POLL: variants seen among roughly 807,000 people sequenced by gnomAD.
POLL encodes the protein DNA polymerase lambda.
Under a neutral mutation model 58.1 loss-of-function variants are expected in POLL, and 44 were observed. The observed-to-expected ratio is 0.76, with a 90% confidence interval of 0.60 to 0.97. POLL has a LOEUF of 0.97. Among genes scored for constraint, POLL ranks in the 50% least tolerant of loss-of-function variants. The probability of loss-of-function intolerance (pLI) is 0.00; values close to 1 mark genes in which losing one functional copy is unlikely to be tolerated. For synonymous variants in POLL, 290 were observed against 283.2 expected, an observed-to-expected ratio of 1.02 and a Z score of -0.24; for missense variants, 632 against 736.8, an observed-to-expected ratio of 0.86 and a Z score of 1.65.
In POLL at chr10:101,580,418, T is replaced by C; in HGVS notation, c.1195-2A>G. ...AAAGGCCTGGGCTGCTTTCTGGACC[T>C]GGGAAAGAGAGCGGTGACAGGTGAG... On this transcript the variant is annotated splice_acceptor_variant, in intron 7 of 8. Transcript: ENST00000370162. LOFTEE classifies it high-confidence loss of function. This position sits in a 1 kb window ranked among gnomAD's most constrained non-coding sequence, Gnocchi z 4.1. The C allele has an allele frequency of 6.2e-7, 1 of 1,613,190 alleles. No individual in the cohort carries two copies. Among genetic ancestry groups the C allele is most frequent in the Middle Eastern group, 1.7e-4 (1 of 6,050 alleles).
chr10:101,585,109 G>A (rs970323542), intron 4 of POLL, among the ~76,000 whole-genome samples, 190 bp from the exon 5 acceptor site: 4 of 152,172 alleles, frequency 2.6e-5, no homozygotes, highest in Admixed American at 2.6e-4. Flanking sequence ...TCCACGCAGT[G>A]CCTAGCCCTA....
At chr10:101,583,202 C>G (rs2134618817) in intron 6 of POLL, 1 of 599,068 alleles carries the variant, frequency 1.7e-6, no homozygotes, top group African/African-American at 1.9e-5. Flanking sequence ...GGATTGGGAA[C>G]CACTGCTCTA....
At chr10:101,584,581 C>T in intron 5 of POLL, 21 bp downstream of exon 5, 2 of 1,511,434 alleles carry the variant, frequency 1.3e-6, no homozygotes, top group Non-Finnish European at 1.8e-6. Context: ...GACCCCTCCT[C>T]CCACTCTAGC....
chr10:101,585,276 C>T (rs930605354), intron 4 of POLL, 40 bp downstream of exon 4: 8 of 1,484,532 alleles, frequency 5.4e-6, no homozygotes, highest in Non-Finnish European at 7.2e-6. Context: ...TGATCTGCTT[C>T]CTAGGGGAAG....
intron 1 of POLL, 23 bp from the exon 2 acceptor site, chr10:101,587,429 G>A (rs769377434): frequency 1.2e-6 from 2 of 1,606,432 alleles, no homozygotes; most frequent in South Asian, 1.1e-5. Context: ...ATCCAGAATT[G>A]AGGCCCTCCA....
At chr10:101,582,645 A>C in intron 7 of POLL, 118 bp downstream of exon 7, 1 of 1,049,200 alleles carries the variant, frequency 9.5e-7, no homozygotes, top group South Asian at 1.4e-5. Context: ...ACCTCTGGTG[A>C]TCCACAGTTT....
intron 1 of POLL, 40 bp downstream of exon 1, chr10:101,587,782 G>A: frequency 8.4e-7 from 1 of 1,190,578 alleles, no homozygotes; most frequent in Non-Finnish European, 1.1e-6. Context: ...GCGGAGCCTG[G>A]GGAGGACCTG....
Position 101,579,106 on chromosome 10 carries a change from C to T in POLL, c.*347G>A, listed in dbSNP as rs1042742293. On this transcript the variant is annotated 3_prime_UTR_variant, in exon 9 of 9. Transcript: ENST00000370162. This position sits in a 1 kb window ranked among gnomAD's most constrained non-coding sequence, Gnocchi z 4.4. ...TTCTGTCCCCACCCAGCAGCTTGGC[C>T]TTTCCCATAGCAGGGAAGGGGGATA... is the stretch of plus-strand genomic sequence containing the variant. 6.6e-6 allele frequency: 2 copies of T among 304,598 alleles called. No homozygotes were observed. The highest frequency in any genetic ancestry group is 4.3e-5 in the African/African-American group (2 of 47,014). 18.9% of individuals were successfully genotyped at this position (304,598 alleles called of 1,614,324 possible). A position where few individuals can be genotyped will look rare whatever the true frequency, so the allele number is the denominator to read the frequency against.
chr10:101,582,480 C>T (rs1479013798), intron 7 of POLL, among the ~76,000 whole-genome samples: 17 of 152,204 alleles, frequency 1.1e-4, no homozygotes, highest in Admixed American at 1.0e-3. Flanking sequence ...TTAACCCAAT[C>T]CTAACACCAA....
intron 2 of POLL, 152 bp downstream of exon 2, chr10:101,587,094 G>A (rs749889852): frequency 1.3e-6 from 2 of 1,568,826 alleles, no homozygotes; most frequent in South Asian, 1.1e-5. Context: ...CCAGGACCAA[G>A]CTTAGCACAA....
At chr10:101,583,382 C>T (rs968679109) in intron 6 of POLL, 126 bp downstream of exon 6, 4 of 1,027,556 alleles carry the variant, frequency 3.9e-6, no homozygotes, top group Non-Finnish European at 5.9e-6. Context: ...AAAATGGTCT[C>T]CCTATACTGT....
rs1454753310 is a variant in POLL, at chr10:101,588,192, T to A, written c.-417A>T. The A allele has an allele frequency of 1.3e-6, 2 of 1,535,594 alleles. No individual in the cohort carries two copies. Among genetic ancestry groups the A allele is most frequent in the Non-Finnish European group, 1.7e-6 (2 of 1,143,418 alleles). On this transcript the variant is annotated 5_prime_UTR_variant, in exon 1 of 9. Transcript: ENST00000370162. ...CTAGTCACCCGGGGGTGGGCAGGAATAGACCACTTACCAGCAGAGCCAATG... is the reference window on the plus strand; with the variant it reads ...CTAGTCACCCGGGGGTGGGCAGGAAAAGACCACTTACCAGCAGAGCCAATG...
chr10:101,588,193 A>G lies in POLL; in HGVS notation c.-418T>C, dbSNP rs1195649954. 5 of 1,536,286 alleles carry G rather than the reference A, an allele frequency of 3.3e-6. No individual in the cohort carries two copies. The highest frequency in any genetic ancestry group is 1.4e-5 in the African/African-American group (1 of 72,944). ...TAGTCACCCGGGGGTGGGCAGGAAT[A>G]GACCACTTACCAGCAGAGCCAATGA... On this transcript the variant is annotated 5_prime_UTR_variant, in exon 1 of 9. Transcript: ENST00000370162.
At position 101,586,143 on chromosome 10, in the gene POLL, G is replaced by T; in HGVS notation, c.129C>A (p.Ser43=). The change falls in exon 3 of 9, where the codon TCC becomes TCA. Residue 43 remains serine, a synonymous_variant. Transcript: ENST00000370162. ...CAGTGCGCACAACATGGGCCCGAAG[G>T]GAGCTCAGCCACTCTGTGGAAGGAA... ...EGEEAEEWLS[S]LRAHVVRTGI... is the part of the protein sequence containing the mutation. The T allele has an allele frequency of 3.1e-6, 5 of 1,611,490 alleles. No homozygotes were observed. The highest frequency in any genetic ancestry group is 3.4e-6 in the Non-Finnish European group (4 of 1,178,476).
Position 101,587,938 on chromosome 10 carries a change from GA to G in POLL, c.-164del. On this transcript the variant is annotated 5_prime_UTR_variant, in exon 1 of 9. Transcript: ENST00000370162. ...GGGTGCTCAGCGCCGCAGCTGCGGG[GA>G]GATGGGGCACGGCCGCAGCAGGTGT... 1 of 1,237,670 alleles carries G rather than the reference GA, an allele frequency of 8.1e-7. No individual in the cohort carries two copies. The highest frequency in any genetic ancestry group is 1.0e-6 in the Non-Finnish European group (1 of 963,728). 76.7% of individuals were successfully genotyped at this position (1,237,670 alleles called of 1,614,324 possible).
chr10:101,586,241 T>TCATTCA, intron 2 of POLL, 85 bp from the exon 3 acceptor site: 1 of 1,172,984 alleles, frequency 8.5e-7, no homozygotes, highest in Non-Finnish European at 1.2e-6. Context: ...ACTTCTAACA[T>TCATTCA]GATCTGAATG....
intron 7 of POLL, 122 bp downstream of exon 7, chr10:101,582,641 G>C (rs1236571532): frequency 3.0e-6 from 3 of 1,016,900 alleles, no homozygotes; most frequent in African/African-American, 3.2e-5. Context: ...CTCAACCTCT[G>C]GTGATCCACA....
rs777033657 is a variant in POLL, at chr10:101,580,305, C to A, written c.1306G>T (p.Asp436Tyr). Reference sequence around the variant, plus strand: ...AAGATACCCCGGTGGGACCGGCCATCTGGGTGAGTGATGAGCACGTCGACA... The same window carrying A: ...AAGATACCCCGGTGGGACCGGCCATATGGGTGAGTGATGAGCACGTCGACA... ...GDVDVLITHPDGRSHRGIFSR... is the reference protein window; with the variant it reads ...GDVDVLITHPYGRSHRGIFSR... Residue 436 changes from aspartate to tyrosine, a missense_variant, in exon 8 of 9, where the codon GAT becomes TAT. Asp to Tyr is a radical substitution (Grantham distance 160). Coordinates refer to ENST00000370162, the MANE Select transcript of POLL (RefSeq NM_001174084.2). This position sits in a 1 kb window ranked among gnomAD's most constrained non-coding sequence, Gnocchi z 4.1. 10 of 1,613,946 alleles carry A rather than the reference C, an allele frequency of 6.2e-6. No individual in the cohort carries two copies. The highest frequency in any genetic ancestry group is 8.5e-6 in the Non-Finnish European group (10 of 1,180,014).
At position 101,582,762 on chromosome 10, in the gene POLL, C is replaced by G. The variant is rs767305520; in HGVS notation, c.1194+1G>C. 6 of 1,613,884 alleles carry G rather than the reference C, an allele frequency of 3.7e-6. No homozygotes were observed. The highest frequency in any genetic ancestry group is 5.1e-6 in the Non-Finnish European group (6 of 1,179,726). On this transcript the variant is annotated splice_donor_variant, in intron 7 of 8. Transcript: ENST00000370162. LOFTEE classifies it high-confidence loss of function. ...CTCACTGCTCTGGGACACCTGCTTA[C>G]TGTCTGCTCAATCTCTGTAGCCTCC...
Sources: gnomAD v4.1 joint callset for allele counts (sites outside exome capture counted in the v4.1 genomes callset) on GRCh38, gnomAD v4.1.1 for gene constraint, Gnocchi (gnomAD v3.1) non-coding constraint, MANE v1.5 for transcripts, NCBI Gene and HGNC (gene_info 2026-07-23, HGNC 2026-07-21) for gene names.